ZNF208: variants seen among roughly 807,000 people sequenced by gnomAD.
The protein encoded by ZNF208 is zinc finger protein 208.
A neutral mutation model predicts 12.1 loss-of-function variants in ZNF208; 10 were observed. The ratio of observed to expected loss-of-function variants is 0.83; its 90% CI spans 0.51 to 1.40. The LOEUF (loss-of-function observed/expected upper bound fraction) is 1.40, where lower values mean the gene tolerates loss of function less well. Ranked by LOEUF, ZNF208 falls within the 40% of genes most tolerant of loss-of-function variation. The pLI is 0.00. For synonymous variants in ZNF208, 497 were observed against 488.4 expected (o/e 1.02, Z -0.23); for missense variants, 1,652 against 1,485.0 (o/e 1.11, Z -1.85).
rs781089461 is a variant in ZNF208, at chr19:21,973,066, C to T, written c.1968G>A (p.Lys656=). ...FIKVSTLTTH[K]AIHAGEKPYK... is the part of the protein sequence containing the mutation. The stretch of plus-strand genomic sequence containing the variant: ...AGGGCTTCTCTCCAGCATGAATTGC[C>T]TTATGTGTAGTAAGGGTTGAGACCT... The change falls in exon 4 of 4, where the codon AAG becomes AAA. Residue 656 remains lysine, a synonymous_variant. Transcript: ENST00000397126. 9 of 1,613,318 alleles carry T rather than the reference C, an allele frequency of 5.6e-6. No homozygotes were observed. Among genetic ancestry groups the T allele is most frequent in the Admixed American group, 1.7e-5 (1 of 59,874 alleles).
At position 21,973,450 on chromosome 19, in the gene ZNF208, T is replaced by G; in HGVS notation, c.1584A>C (p.Glu528Asp). Reference protein sequence around the residue: ...IHTGEKPYKCEECGKSFSTFS... With the variant: ...IHTGEKPYKCDECGKSFSTFS... ...ATGTACTGAAGCTTTTGCCACATTC[T>G]TCACATTTGTAGGGTTTCTCTCCAG... Residue 528 changes from glutamate to aspartate, a missense_variant, in exon 4 of 4, where the codon GAA (glutamate) becomes GAC (aspartate). Glu to Asp is a conservative substitution (Grantham distance 45, BLOSUM62 2). Transcript: ENST00000397126. 3.1e-6 allele frequency: 5 copies of G among 1,613,212 alleles called. No homozygotes were observed. Among genetic ancestry groups the G allele is most frequent in the Non-Finnish European group, 4.2e-6 (5 of 1,179,892 alleles).
intron 4 of ZNF208, among the ~76,000 whole-genome samples, chr19:21,950,936 A>G (rs1417542941): frequency 6.6e-6 from 1 of 152,114 alleles, no homozygotes; most frequent in Non-Finnish European, 1.5e-5. Flanking sequence ...TCTATAAAAA[A>G]CCTCTAATTA....
At chr19:21,955,723 AT>A (rs1389507059) in intron 4 of ZNF208, among the ~76,000 whole-genome samples, 1 of 152,092 alleles carries the variant, frequency 6.6e-6, no homozygotes, top group Non-Finnish European at 1.5e-5. Context: ...CTAGTTAGCC[AT>A]TTGTCTAATC....
chr19:21,944,931 T>C (rs1274695273), intron 4 of ZNF208, among the ~76,000 whole-genome samples: 24 of 152,314 alleles, frequency 1.6e-4, no homozygotes, highest in Non-Finnish European at 2.5e-4. Context: ...AGCATTCGCA[T>C]TGTATTCCAG....
chr19:21,987,397 T>A, intron 2 of ZNF208, 86 bp from the exon 3 acceptor site: 1 of 1,265,144 alleles, frequency 7.9e-7, no homozygotes, highest in Non-Finnish European at 1.1e-6. Context: ...GAGGATGTAA[T>A]AGAATATTCT....
chr19:21,940,151 A>G (rs1438104942), intron 4 of ZNF208: 1 of 128,134 alleles, frequency 7.8e-6, no homozygotes, highest in Non-Finnish European at 1.7e-5. Flanking sequence ...GTTTTATAAG[A>G]GTAAAGAGCA....
chr19:21,998,321 A>AT (rs1156391071), intron 1 of ZNF208: 7 of 150,852 alleles, frequency 4.6e-5, no homozygotes, highest in Admixed American at 2.0e-4. Flanking sequence ...CACCCGGCTA[A>AT]TTTTTTTTTG....
chr19:21,955,562 CTTCAT>C (rs1331491132), intron 4 of ZNF208, among the ~76,000 whole-genome samples: 3 of 152,140 alleles, frequency 2.0e-5, no homozygotes, highest in Admixed American at 2.0e-4. Flanking sequence ...TTTCTTCTCA[CTTCAT>C]TTCATTAATT....
At chr19:21,975,960 G>A (rs1308709045) in intron 3 of ZNF208, among the ~76,000 whole-genome samples, 1 of 150,232 alleles carries the variant, frequency 6.7e-6, no homozygotes, top group East Asian at 2.0e-4. Context: ...CACTGCATAT[G>A]TCTTCCATAA....
Position 21,971,833 on chromosome 19 carries a change from G to A in ZNF208, c.3201C>T (p.Ser1067=). The A allele has an allele frequency of 2.5e-6, 4 of 1,611,030 alleles. No homozygotes were observed. The highest frequency in any genetic ancestry group is 3.4e-6 in the Non-Finnish European group (4 of 1,179,256). The change falls in exon 4 of 4, where the codon AGC becomes AGT. Residue 1067 remains serine (S), a synonymous_variant. Transcript: ENST00000397126. ...TATGTTCAGTAAGTCTTGAGGGCCA[G>A]CTGAAGGCTTTGCCACATTCTTCAC... ...YKCEECGKAF[S]WPSRLTEHKA...
chr19:21,990,873 G>GA (rs1473566076), intron 1 of ZNF208, among the ~76,000 whole-genome samples: 1 of 152,304 alleles, frequency 6.6e-6, no homozygotes, highest in East Asian at 1.9e-4. Flanking sequence ...AAGCAATTGT[G>GA]AATGGGAGTT....
intron 4 of ZNF208, among the ~76,000 whole-genome samples, chr19:21,944,144 G>A (rs1174618830): frequency 6.6e-6 from 1 of 151,986 alleles, no homozygotes; most frequent in Non-Finnish European, 1.5e-5. Flanking sequence ...GTCTTTTCTG[G>A]GATTTTCTGC....
chr19:22,010,001 T>C (rs1173800527), intron 1 of ZNF208, among the ~76,000 whole-genome samples: 1 of 152,126 alleles, frequency 6.6e-6, no homozygotes, highest in South Asian at 2.1e-4. Flanking sequence ...CTGGCTAACA[T>C]GGTGAAACCC....
intron 1 of ZNF208, among the ~76,000 whole-genome samples, chr19:22,001,892 CAAAAAAA>C (rs58939967): frequency 3.1e-4 from 23 of 74,096 alleles, no homozygotes; most frequent in East Asian, 2.1e-3. Context: ...GACTCCATCC[CAAAAAAA>C]AAAAAAAAAA....
intron 4 of ZNF208, among the ~76,000 whole-genome samples, chr19:21,952,966 G>T (rs1969915555): frequency 6.6e-6 from 1 of 152,150 alleles, no homozygotes; most frequent in South Asian, 2.1e-4. Flanking sequence ...GTGAAGAGAA[G>T]ACCTTAAATG....
rs7255075 is a variant in ZNF208 at position 21,973,668 on chromosome 19, C to G, written c.1366G>C (p.Glu456Gln). The G allele has an allele frequency of 6.5e-3, 10,139 of 1,570,080 alleles. 549 individuals carry two copies. The African/African-American group carries it at 0.12, about 18-fold the overall frequency. The change falls in exon 4 of 4, where the codon GAA becomes CAA. Residue 456 changes from glutamate to glutamine, a missense_variant. This residue lies in a region of ZNF208 where 1,239 missense variants were observed against 1,086.2 expected (regional missense o/e 1.14). Coordinates refer to ENST00000397126, the MANE Select transcript of ZNF208 (RefSeq NM_007153.3). Reference sequence around the variant, plus strand: ...ATACTAAAGCCTTTGCCACATTCTTCACATTTGTAGGGTGTCTCTCCAGTG... The same window carrying G: ...ATACTAAAGCCTTTGCCACATTCTTGACATTTGTAGGGTGTCTCTCCAGTG... ...IHTGETPYKC[E>Q]ECGKGFSMFS...
At chr19:21,958,864 G>C (rs1970018778) in intron 4 of ZNF208, among the ~76,000 whole-genome samples, 1 of 152,070 alleles carries the variant, frequency 6.6e-6, no homozygotes, top group African/African-American at 2.4e-5. Context: ...AGCCTAAGGT[G>C]GACAGCAAGG....
Position 21,982,970 on chromosome 19 carries a change from TA to T in ZNF208, c.226+4245del, listed in dbSNP as rs1970570572. 5.9e-5 allele frequency among the ~76,000 whole-genome samples: 9 copies of T among 152,134 alleles called. No homozygotes were observed. In the South Asian group the frequency reaches 1.9e-3, roughly 32 times the overall value. On this transcript the variant is annotated intron_variant, in intron 3 of 3. Coordinates refer to ENST00000397126, the MANE Select transcript of ZNF208 (RefSeq NM_007153.3). ...TAGGCATGGGCAAAGACTTCATGACTAAAACACCAAAAACAATGGCAACAAA... is the reference window on the plus strand; with the variant it reads ...TAGGCATGGGCAAAGACTTCATGACTAAACACCAAAAACAATGGCAACAAA...
intron 1 of ZNF208, among the ~76,000 whole-genome samples, chr19:21,990,129 A>G (rs1194651871): frequency 3.3e-5 from 5 of 152,016 alleles, no homozygotes; most frequent in African/African-American, 9.6e-5. Context: ...TGCCATTGCT[A>G]TTGGTGTTTT....
Sources: allele counts gnomAD v4.1 joint callset (sites outside exome capture counted in the v4.1 genomes callset), GRCh38; gene constraint gnomAD v4.1.1; regional missense constraint gnomAD v4.1.1; transcripts MANE v1.5; gene names NCBI Gene and HGNC (gene_info 2026-07-23, HGNC 2026-07-21).